SGCZ: variants seen among roughly 807,000 people sequenced by gnomAD.
SGCZ encodes the protein zeta-sarcoglycan.
A neutral mutation model predicts 41.3 loss-of-function variants in SGCZ; 40 were observed. That is an observed-to-expected ratio of 0.97 (90% confidence interval 0.75 to 1.26). The LOEUF is 1.26. SGCZ is among the 50% of genes most tolerant of loss of function. The probability of loss-of-function intolerance (pLI) is 0.00; values close to 1 mark genes in which losing one functional copy is unlikely to be tolerated. For synonymous variants in SGCZ, 206 were observed against 137.5 expected, an observed-to-expected ratio of 1.50 and a Z score of -3.49; for missense variants, 552 against 369.8, an observed-to-expected ratio of 1.49 and a Z score of -4.04.
chr8:14,469,209 A>G (rs555907573), intron 2 of SGCZ, among the ~76,000 whole-genome samples: 1 of 152,250 alleles, frequency 6.6e-6, no homozygotes, highest in South Asian at 2.1e-4. Flanking sequence ...AAATTTCACC[A>G]TCTTACTACT....
chr8:14,997,140 C>T (rs1802246967), intron 1 of SGCZ, among the ~76,000 whole-genome samples: 1 of 152,146 alleles, frequency 6.6e-6, no homozygotes, highest in African/African-American at 2.4e-5. Context: ...TATCTCTTTG[C>T]TTTTCTCTTC....
At chr8:15,146,263 T>G (rs988198294) in intron 1 of SGCZ, among the ~76,000 whole-genome samples, 19 of 152,164 alleles carry the variant, frequency 1.2e-4, no homozygotes, top group African/African-American at 4.3e-4. Flanking sequence ...ATGATGTAAA[T>G]GCCTACCGTT....
At chr8:14,935,693 CA>C (rs1164677152) in intron 1 of SGCZ, among the ~76,000 whole-genome samples, 1 of 151,582 alleles carries the variant, frequency 6.6e-6, no homozygotes, top group East Asian at 1.9e-4. Flanking sequence ...ATAATTACTC[CA>C]AATATCAACA....
At chr8:14,646,009 CAAATT>C (rs1807202402) in intron 1 of SGCZ, among the ~76,000 whole-genome samples, 1 of 103,286 alleles carries the variant, frequency 9.7e-6, no homozygotes. Flanking sequence ...GAATCTTGAA[CAAATT>C]AAAGTAGCTT....
At chr8:14,800,059 T>A (rs1451449492) in intron 1 of SGCZ, among the ~76,000 whole-genome samples, 6 of 152,120 alleles carry the variant, frequency 3.9e-5, no homozygotes, top group Admixed American at 3.9e-4. Context: ...TCCAAAACCA[T>A]TATGTACTCT....
chr8:14,554,998 T>G, intron 1 of SGCZ, 72 bp from the exon 2 acceptor site: 1 of 1,387,112 alleles, frequency 7.2e-7, no homozygotes, highest in Non-Finnish European at 9.8e-7. Context: ...AACCCATGAT[T>G]TTTTTGAAAC....
rs78660893 is a variant in SGCZ at position 14,816,461 on chromosome 8, T to C, written c.40-261535A>G. Reference sequence around the variant, plus strand: ...TATTCACTGATTTCTGTTCAGTAATTTTCCCTTATATGTGTAGGTATATAA... The same window carrying C: ...TATTCACTGATTTCTGTTCAGTAATCTTCCCTTATATGTGTAGGTATATAA... On this transcript the variant is annotated intron_variant, in intron 1 of 7. Coordinates refer to ENST00000382080, the MANE Select transcript of SGCZ (RefSeq NM_139167.4). Among the ~76,000 whole-genome samples the C allele has an allele frequency of 3.3e-3, 503 of 152,304 alleles. 8 individuals are homozygous for C. The South Asian group carries it at 0.042, about 13-fold the overall frequency.
chr8:14,640,544 G>A (rs1333263704), intron 1 of SGCZ, among the ~76,000 whole-genome samples: 1 of 151,286 alleles, frequency 6.6e-6, no homozygotes, highest in Non-Finnish European at 1.5e-5. Context: ...ATATTCCTCT[G>A]TTTTTAACTT....
intron 1 of SGCZ, among the ~76,000 whole-genome samples, chr8:14,907,886 G>C (rs538854471): frequency 1.3e-5 from 2 of 152,062 alleles, no homozygotes; most frequent in African/African-American, 4.8e-5. Context: ...ATACAACCAA[G>C]AACAAATAAC....
At chr8:14,273,948 C>T (rs1349668005) in intron 3 of SGCZ, among the ~76,000 whole-genome samples, 1 of 152,078 alleles carries the variant, frequency 6.6e-6, no homozygotes, top group African/African-American at 2.4e-5. Flanking sequence ...GCAAACATAC[C>T]TACAAATTTC....
chr8:15,182,035 C>T (rs1296592704), intron 1 of SGCZ, among the ~76,000 whole-genome samples: 1 of 152,080 alleles, frequency 6.6e-6, no homozygotes, highest in Non-Finnish European at 1.5e-5. Flanking sequence ...ATTCATAGGA[C>T]AATCCTTGAA....
chr8:14,331,111 A>G (rs922219765), intron 2 of SGCZ, among the ~76,000 whole-genome samples: 1 of 151,882 alleles, frequency 6.6e-6, no homozygotes, highest in African/African-American at 2.4e-5. Context: ...AAAATCTTAA[A>G]GACACAGTTT....
intron 4 of SGCZ, among the ~76,000 whole-genome samples, chr8:14,233,206 C>T (rs1806634758): frequency 6.6e-6 from 1 of 151,842 alleles, no homozygotes; most frequent in Admixed American, 6.6e-5. Context: ...CAGCATAAGG[C>T]ACATGAGAAA....
chr8:14,961,250 C>A (rs2130851252), intron 1 of SGCZ, among the ~76,000 whole-genome samples: 2 of 152,236 alleles, frequency 1.3e-5, no homozygotes, highest in East Asian at 3.9e-4. Context: ...CTCTCCGAAT[C>A]CTAAATACCA....
At chr8:14,861,960 C>T (rs1803764542) in intron 1 of SGCZ, among the ~76,000 whole-genome samples, 1 of 151,958 alleles carries the variant, frequency 6.6e-6, no homozygotes, top group Non-Finnish European at 1.5e-5. Flanking sequence ...ATCTTTGCTT[C>T]CACTATAAAG....
At chr8:14,500,738 A>C (rs1021553619) in intron 2 of SGCZ, among the ~76,000 whole-genome samples, 2 of 152,140 alleles carry the variant, frequency 1.3e-5, no homozygotes, top group Non-Finnish European at 2.9e-5. Context: ...CACTAAGACA[A>C]GTAAATTTTA....
intron 2 of SGCZ, among the ~76,000 whole-genome samples, chr8:14,438,740 G>A (rs1435544897): frequency 6.6e-6 from 1 of 151,690 alleles, no homozygotes; most frequent in Non-Finnish European, 1.5e-5. Flanking sequence ...TTAAATCTGA[G>A]AAATAGCTTA....
chr8:15,082,129 T>C (rs1379503287), intron 1 of SGCZ, among the ~76,000 whole-genome samples: 1 of 151,930 alleles, frequency 6.6e-6, no homozygotes, highest in Non-Finnish European at 1.5e-5. Context: ...CTGGGGAGGC[T>C]GAGGCAGGAG....
intron 2 of SGCZ, among the ~76,000 whole-genome samples, chr8:14,412,412 G>C (rs920253111): frequency 3.3e-5 from 5 of 152,060 alleles, no homozygotes; most frequent in African/African-American, 1.2e-4. Context: ...GCGTACATTT[G>C]AATGTCTAGT....
Sources: allele counts gnomAD v4.1 joint callset (sites outside exome capture counted in the v4.1 genomes callset), GRCh38; gene constraint gnomAD v4.1.1; transcripts MANE v1.5; gene names NCBI Gene and HGNC (gene_info 2026-07-23, HGNC 2026-07-21).